The following RSPO4 variants were observed in gnomAD, a reference collection of about 807,000 sequenced individuals.
The protein encoded by RSPO4 is R-spondin 4.
In RSPO4, 23 loss-of-function variants were observed where a neutral mutation model predicts 24.8. That is an observed-to-expected ratio of 0.93 (90% confidence interval 0.67 to 1.31). RSPO4 has a LOEUF of 1.31. Among genes scored for constraint, RSPO4 ranks in the 40% most tolerant of loss-of-function variants. RSPO4 has a pLI of 0.00. For missense variants in RSPO4, 333 were observed against 316.5 expected (o/e 1.05, Z -0.39); for synonymous variants, 141 against 127.4 (o/e 1.11, Z -0.72).
chr20:1,001,863 T>C (rs1193483339), intron 1 of RSPO4, among the ~76,000 whole-genome samples: 1 of 152,166 alleles, frequency 6.6e-6, no homozygotes, highest in African/African-American at 2.4e-5. Context: ...CTCTCCCTTC[T>C]GGGTGAGTCT....
chr20:989,286 G>A (rs1985018715), intron 1 of RSPO4, among the ~76,000 whole-genome samples: 1 of 152,168 alleles, frequency 6.6e-6, no homozygotes, highest in Non-Finnish European at 1.5e-5. Flanking sequence ...TCCCAGCTCT[G>A]CCACCTTGAC....
At chr20:968,215 T>C (rs1984293578) in intron 1 of RSPO4, 77 bp from the exon 2 acceptor site, 12 of 1,353,882 alleles carry the variant, frequency 8.9e-6, no homozygotes, top group African/African-American at 2.9e-5. Context: ...GCAGCTGAGA[T>C]GGTCTCATTG....
chr20:973,872 C>G (rs956910504), intron 1 of RSPO4, among the ~76,000 whole-genome samples: 7 of 152,184 alleles, frequency 4.6e-5, no homozygotes, highest in African/African-American at 1.7e-4. Flanking sequence ...TGGCCTCATC[C>G]TCGACCCTGG....
chr20:964,831 CATAT>C (rs9305152), intron 3 of RSPO4, among the ~76,000 whole-genome samples: 5,812 of 133,200 alleles, frequency 0.044, 417 homozygotes, highest in African/African-American at 0.17. Flanking sequence ...CACACACACA[CATAT>C]ATATATATAT....
intron 4 of RSPO4, among the ~76,000 whole-genome samples, chr20:962,803 T>C (rs1036400915): frequency 2.6e-5 from 4 of 152,152 alleles, no homozygotes; most frequent in Non-Finnish European, 4.4e-5. Flanking sequence ...AGATTCCTCT[T>C]TGCATGACGA....
chr20:986,282 G>A (rs1984917934), intron 1 of RSPO4, among the ~76,000 whole-genome samples: 1 of 152,182 alleles, frequency 6.6e-6, no homozygotes. Context: ...CTGCTCACTG[G>A]TGATGGCCCC....
At position 971,866 on chromosome 20, in the gene RSPO4, G is replaced by A. The variant is rs577802305; in HGVS notation, c.80-3728C>T. 8.1e-4 allele frequency among the ~76,000 whole-genome samples: 123 copies of A among 152,272 alleles called. 1 individual carries two copies. The highest frequency in any genetic ancestry group is 2.8e-3 in the African/African-American group (117 of 41,548). The stretch of plus-strand genomic sequence containing the variant: ...GCCTCTACTGTGTCCTGGGGCAGGA[G>A]GAGGCCTACATTCTTTCTTCTCCTT... On this transcript the variant is annotated intron_variant, in intron 1 of 4. Coordinates refer to ENST00000217260, the MANE Select transcript of RSPO4 (RefSeq NM_001029871.4).
In RSPO4 at chr20:960,413, T is replaced by C. The variant is rs1425901603; in HGVS notation, c.649A>G (p.Arg217Gly). ...ACGTCCAGCCTGCGGTCCAGCTTCC[T>C]GTCCTTGCGTGGGCGCCGGTCCTTC... ...GRKDRRPRKD[R>G]KLDRRLDVRP... The change falls in exon 5 of 5, where the codon AGG becomes GGG. Residue 217 changes from arginine to glycine, a missense_variant. Arg to Gly is a moderately radical substitution (Grantham distance 125, BLOSUM62 -2). Coordinates refer to ENST00000217260, the MANE Select transcript of RSPO4 (RefSeq NM_001029871.4). The C allele has an allele frequency of 1.3e-6, 2 of 1,539,802 alleles. No individual in the cohort carries two copies. Among genetic ancestry groups the C allele is most frequent in the South Asian group, 2.4e-5 (2 of 84,160 alleles).
At chr20:967,773 A>G (rs538449200) in intron 2 of RSPO4, among the ~76,000 whole-genome samples, 177 bp downstream of exon 2, 1 of 152,228 alleles carries the variant, frequency 6.6e-6, no homozygotes, top group African/African-American at 2.4e-5. Flanking sequence ...TAAGGCTGAG[A>G]GCGGACTGAC....
At position 1,002,272 on chromosome 20, in the gene RSPO4, G is replaced by C. The variant is rs1285428385; in HGVS notation, c.-108C>G. ...GCGGGGGCTGCTGTGGGCGCGCCGGGCGCATCCGCCAGGCGCGGGTCGGTC... is the reference window on the plus strand; with the variant it reads ...GCGGGGGCTGCTGTGGGCGCGCCGGCCGCATCCGCCAGGCGCGGGTCGGTC... On this transcript the variant is annotated 5_prime_UTR_variant, in exon 1 of 5. Coordinates refer to ENST00000217260, the MANE Select transcript of RSPO4 (RefSeq NM_001029871.4). This position sits in a 1 kb window ranked among gnomAD's most constrained non-coding sequence, Gnocchi z 4.6. The C allele has an allele frequency of 3.6e-6, 2 of 556,508 alleles. No individual in the cohort carries two copies. Among genetic ancestry groups the C allele is most frequent in the African/African-American group, 4.0e-5 (2 of 49,622 alleles). 34.5% of individuals were successfully genotyped at this position (556,508 alleles called of 1,614,324 possible). A position where few individuals can be genotyped will look rare whatever the true frequency, so the allele number is the denominator to read the frequency against.
At chr20:982,455 CT>C (rs1282247503) in intron 1 of RSPO4, among the ~76,000 whole-genome samples, 1 of 152,200 alleles carries the variant, frequency 6.6e-6, no homozygotes, top group Non-Finnish European at 1.5e-5. Context: ...AGTTTCTTTT[CT>C]TTTCATGTAT....
At chr20:998,213 TG>T (rs781238803) in intron 1 of RSPO4, among the ~76,000 whole-genome samples, 2 of 152,104 alleles carry the variant, frequency 1.3e-5, no homozygotes, top group Non-Finnish European at 2.9e-5. Flanking sequence ...CATGTGAATG[TG>T]GGGGTCCCTC....
chr20:984,828 A>G (rs935637392), intron 1 of RSPO4, among the ~76,000 whole-genome samples: 1 of 152,044 alleles, frequency 6.6e-6, no homozygotes, highest in African/African-American at 2.4e-5. Context: ...GTGTTTCTAA[A>G]GGCCCACTGT....
intron 1 of RSPO4, among the ~76,000 whole-genome samples, chr20:997,248 G>A (rs1209656407): frequency 1.3e-5 from 2 of 152,180 alleles, no homozygotes; most frequent in Admixed American, 1.3e-4. Context: ...TCAGTGGCTG[G>A]GCAGGGGGGT....
chr20:1,002,055 C>A lies in RSPO4; in HGVS notation c.79+31G>T. The stretch of plus-strand genomic sequence containing the variant: ...CCCCCGGTCTGCCCCGCAGCGCCTG[C>A]CCGGCCGCCCTGCCCAGCCACCCCT... On this transcript the variant is annotated intron_variant, in intron 1 of 4. Transcript: ENST00000217260. This position sits in a 1 kb window ranked among gnomAD's most constrained non-coding sequence, Gnocchi z 4.6. 11 of 1,536,312 alleles carry A rather than the reference C, an allele frequency of 7.2e-6. No homozygotes were observed. The highest frequency in any genetic ancestry group is 8.8e-6 in the Non-Finnish European group (10 of 1,136,264).
intron 3 of RSPO4, among the ~76,000 whole-genome samples, chr20:966,697 C>T (rs542462125): frequency 1.9e-4 from 29 of 152,240 alleles, no homozygotes; most frequent in Admixed American, 1.8e-3. Context: ...TTTACAAAAA[C>T]ATAAACGCAT....
chr20:971,524 C>T (rs1018528263), intron 1 of RSPO4, among the ~76,000 whole-genome samples: 1 of 152,238 alleles, frequency 6.6e-6, no homozygotes, highest in African/African-American at 2.4e-5. Context: ...ACCACATACA[C>T]AACCCAGCCA....
At chr20:998,517 G>A (rs1485986017) in intron 1 of RSPO4, among the ~76,000 whole-genome samples, 6 of 152,142 alleles carry the variant, frequency 3.9e-5, no homozygotes, top group Non-Finnish European at 8.8e-5. Context: ...TCATTAAGAC[G>A]CAGTGACGCC....
chr20:960,296 G>T lies in RSPO4; in HGVS notation c.*61C>A. ...AAAGAGTAAGAGGAGAGGAGGAGAA[G>T]GAGCAGGAGGAGGTGTGCAGGGGCC... On this transcript the variant is annotated 3_prime_UTR_variant, in exon 5 of 5. Coordinates refer to ENST00000217260, the MANE Select transcript of RSPO4 (RefSeq NM_001029871.4). 1 of 1,021,414 alleles carries T rather than the reference G, an allele frequency of 9.8e-7. No homozygotes were observed. Among genetic ancestry groups the T allele is most frequent in the Non-Finnish European group, 1.5e-6 (1 of 677,094 alleles). 63.3% of individuals were successfully genotyped at this position (1,021,414 alleles called of 1,614,324 possible). A position where few individuals can be genotyped will look rare whatever the true frequency, so the allele number is the denominator to read the frequency against.
Sources: allele counts gnomAD v4.1 joint callset (sites outside exome capture counted in the v4.1 genomes callset), GRCh38; gene constraint gnomAD v4.1.1; non-coding constraint Gnocchi (gnomAD v3.1); transcripts MANE v1.5; gene names NCBI Gene and HGNC (gene_info 2026-07-23, HGNC 2026-07-21).